RBM20: variants seen among roughly 807,000 people sequenced by gnomAD.
The protein encoded by RBM20 is RNA-binding protein 20.
RBM20 carries 51 observed loss-of-function variants against 110.1 expected under a neutral mutation model. The observed-to-expected ratio is 0.46, with a 90% CI of 0.37 to 0.59. The LOEUF (loss-of-function observed/expected upper bound fraction) is 0.59. Among genes scored for constraint, RBM20 ranks in the 20% least tolerant of loss-of-function variants. The pLI is 0.00. For missense variants in RBM20, 1,512 were observed against 1,574.9 expected (o/e 0.96, Z 0.68); for synonymous variants, 589 against 618.2 (o/e 0.95, Z 0.70).
intron 8 of RBM20, 123 bp from the exon 9 acceptor site, chr10:110,812,155 G>C: frequency 2.3e-6 from 2 of 873,418 alleles, no homozygotes; most frequent in Non-Finnish European, 3.4e-6. Flanking sequence ...GTAGAGTTGG[G>C]AGTTAAGAGT....
chr10:110,805,186 G>T (rs191717820), intron 7 of RBM20, among the ~76,000 whole-genome samples: 1 of 152,340 alleles, frequency 6.6e-6, no homozygotes, highest in East Asian at 1.9e-4. Context: ...AAACATGAGT[G>T]CATAAGTACA....
At chr10:110,786,888 C>T (rs34301413) in intron 5 of RBM20, among the ~76,000 whole-genome samples, 7,007 of 152,132 alleles carry the variant, frequency 0.046, 216 homozygotes, top group African/African-American at 0.08. Context: ...GGTCTGGGTA[C>T]GGGGAAGAGA....
At chr10:110,673,403 G>A (rs1862289238) in intron 1 of RBM20, among the ~76,000 whole-genome samples, 1 of 152,032 alleles carries the variant, frequency 6.6e-6, no homozygotes, top group South Asian at 2.1e-4. Context: ...GTAGAGACAG[G>A]GTTTCACTAT....
chr10:110,754,760 T>C lies in RBM20; in HGVS notation c.192-26041T>C, dbSNP rs112799597. Among the ~76,000 whole-genome samples, 413 of 152,366 alleles carry C rather than the reference T, an allele frequency of 2.7e-3. 2 individuals carry two copies. Among genetic ancestry groups the C allele is most frequent in the African/African-American group, 8.8e-3 (365 of 41,586 alleles). ...ATTTGCAAGCTTGTTTACTTTTTCA[T>C]GTGGTTAGCAAATATAAACTTACTG... On this transcript the variant is annotated intron_variant, in intron 1 of 13. Coordinates refer to ENST00000369519, the MANE Select transcript of RBM20 (RefSeq NM_001134363.3).
intron 1 of RBM20, among the ~76,000 whole-genome samples, chr10:110,742,112 T>TA (rs1166697542): frequency 2.0e-5 from 3 of 152,122 alleles, no homozygotes; most frequent in Admixed American, 6.5e-5. Context: ...GTAGTTCCTG[T>TA]AAAAAATAAT....
intron 1 of RBM20, among the ~76,000 whole-genome samples, chr10:110,749,951 G>C (rs1843831930): frequency 6.6e-6 from 1 of 152,056 alleles, no homozygotes; most frequent in Non-Finnish European, 1.5e-5. Flanking sequence ...TCCTTAGAAA[G>C]GATCCAAAAA....
In RBM20 at chr10:110,655,777, T is replaced by G. The variant is rs189718179; in HGVS notation, c.191+11132T>G. Among the ~76,000 whole-genome samples the G allele has an allele frequency of 1.3e-3, 200 of 152,350 alleles. 1 individual carries two copies. Among genetic ancestry groups the G allele is most frequent in the African/African-American group, 4.6e-3 (193 of 41,596 alleles). On this transcript the variant is annotated intron_variant, in intron 1 of 13. Coordinates refer to ENST00000369519, the MANE Select transcript of RBM20 (RefSeq NM_001134363.3). ...CATAAACTGGGGAAGGATTGTGCCT[T>G]TTGATCTGCGACAGGGTTTACAGTA...
chr10:110,740,634 G>A (rs537605018), intron 1 of RBM20, among the ~76,000 whole-genome samples: 1 of 152,266 alleles, frequency 6.6e-6, no homozygotes, highest in Admixed American at 6.5e-5. Context: ...GGGAAAGCAA[G>A]TTTATGGCCA....
chr10:110,720,905 G>A (rs893818898), intron 1 of RBM20, among the ~76,000 whole-genome samples: 1 of 152,210 alleles, frequency 6.6e-6, no homozygotes, highest in Non-Finnish European at 1.5e-5. Context: ...GCCCTCCATG[G>A]CCTTCACCTT....
intron 1 of RBM20, among the ~76,000 whole-genome samples, chr10:110,727,841 C>T (rs1843580005): frequency 6.6e-6 from 1 of 152,102 alleles, no homozygotes; most frequent in Non-Finnish European, 1.5e-5. Context: ...GTGGTGTTCC[C>T]CTCCCTGTGT....
chr10:110,819,077 A>T (rs774586967), intron 9 of RBM20, among the ~76,000 whole-genome samples: 6 of 152,244 alleles, frequency 3.9e-5, no homozygotes, highest in Admixed American at 1.3e-4. Flanking sequence ...GTAAGAAATC[A>T]GAACTAGAGT....
At chr10:110,777,591 T>C (rs1169687360) in intron 1 of RBM20, among the ~76,000 whole-genome samples, 1 of 152,188 alleles carries the variant, frequency 6.6e-6, no homozygotes, top group East Asian at 1.9e-4. Flanking sequence ...AGTTTTCTTA[T>C]TTTTTGAGGA....
rs138576054 is a variant in RBM20, at chr10:110,770,068, G to A, written c.192-10733G>A. Among the ~76,000 whole-genome samples the A allele has an allele frequency of 2.8e-3, 420 of 152,248 alleles. 2 individuals are homozygous for A. Among genetic ancestry groups the A allele is most frequent in the African/African-American group, 9.4e-3 (389 of 41,520 alleles). ...TGGAAAGTATTTTCAAAATACTCTA[G>A]TACAGCGGTTCTCAAGGTGCAGCAT... On this transcript the variant is annotated intron_variant, in intron 1 of 13. Coordinates refer to ENST00000369519, the MANE Select transcript of RBM20 (RefSeq NM_001134363.3).
At chr10:110,782,246 C>G (rs928145427) in intron 2 of RBM20, among the ~76,000 whole-genome samples, 25 of 152,188 alleles carry the variant, frequency 1.6e-4, no homozygotes, top group African/African-American at 5.8e-4. Context: ...TCTACTGCCC[C>G]TTGAGTACCC....
At chr10:110,736,967 G>A (rs1843677144) in intron 1 of RBM20, among the ~76,000 whole-genome samples, 1 of 151,634 alleles carries the variant, frequency 6.6e-6, no homozygotes, top group Non-Finnish European at 1.5e-5. Context: ...CTGAGGTCAG[G>A]AGTTCGATAC....
chr10:110,692,378 A>G (rs1298719854), intron 1 of RBM20, among the ~76,000 whole-genome samples: 1 of 152,212 alleles, frequency 6.6e-6, no homozygotes, highest in Non-Finnish European at 1.5e-5. Flanking sequence ...CTACCAATCC[A>G]TGAACATGGA....
At chr10:110,712,682 G>A (rs1049142565) in intron 1 of RBM20, among the ~76,000 whole-genome samples, 3 of 152,142 alleles carry the variant, frequency 2.0e-5, no homozygotes, top group East Asian at 1.9e-4. Context: ...CAGGAGAATC[G>A]CTTGAACCTG....
At chr10:110,728,462 G>A (rs1236855726) in intron 1 of RBM20, among the ~76,000 whole-genome samples, 1 of 149,840 alleles carries the variant, frequency 6.7e-6, no homozygotes, top group Non-Finnish European at 1.5e-5. Context: ...TTACTAGACA[G>A]GTAGACTTTG....
rs534351848 is a variant in RBM20, at chr10:110,682,870, T to C, written c.191+38225T>C. The stretch of plus-strand genomic sequence containing the variant: ...TGGAGCTTGCCTATAATAGTTATCA[T>C]TGTCATATTCTAACAGTGATTTTCC... On this transcript the variant is annotated intron_variant, in intron 1 of 13. Transcript: ENST00000369519. Among the ~76,000 whole-genome samples the C allele has an allele frequency of 2.6e-5, 4 of 152,368 alleles. No homozygotes were observed. The South Asian group carries it at 8.3e-4, about 32-fold the overall frequency.
Sources: allele counts gnomAD v4.1 joint callset (sites outside exome capture counted in the v4.1 genomes callset), GRCh38; gene constraint gnomAD v4.1.1; transcripts MANE v1.5; gene names NCBI Gene and HGNC (gene_info 2026-07-23, HGNC 2026-07-21).